Variants in ZRANB1 observed in about 807,000 individuals in gnomAD.
The protein encoded by ZRANB1 is ubiquitin thioesterase ZRANB1.
ZRANB1 carries 16 observed loss-of-function variants against 80.5 expected under a neutral mutation model. That is an observed-to-expected ratio of 0.20 (90% CI 0.13 to 0.30). The LOEUF is 0.30. ZRANB1 is among the 10% of genes least tolerant of loss of function. The probability of loss-of-function intolerance (pLI) is 1.00; values close to 1 mark genes in which losing one functional copy is unlikely to be tolerated. For synonymous variants in ZRANB1, 291 were observed against 293.1 expected (o/e 0.99, Z 0.07); for missense variants, 576 against 862.6 (o/e 0.67, Z 4.16).
At chr10:124,943,555 ATG>A (rs987359153) in intron 1 of ZRANB1, among the ~76,000 whole-genome samples, 26 of 128,800 alleles carry the variant, frequency 2.0e-4, no homozygotes, top group Admixed American at 6.4e-4. Flanking sequence ...GTATATATAT[ATG>A]CGCAAAGTCA....
At chr10:124,922,356 T>C in the ZRANB1 span, among the ~76,000 whole-genome samples, 1 of 146,278 alleles carries the variant, frequency 6.8e-6, no homozygotes, top group African/African-American at 2.5e-5. Context: ...TAATAGGGTC[T>C]CACTGTGTTG....
Position 124,942,550 on chromosome 10 carries a change from A to G in ZRANB1, c.57A>G (p.Pro19=), listed in dbSNP as rs143600614. The G allele has an allele frequency of 4.5e-4, 733 of 1,614,198 alleles. 1 individual carries two copies. Among genetic ancestry groups the G allele is most frequent in the Middle Eastern group, 2.3e-3 (14 of 6,060 alleles). Residue 19 remains proline, a synonymous_variant, in exon 1 of 9, where the codon CCA becomes CCG. Coordinates refer to ENST00000359653, the MANE Select transcript of ZRANB1 (RefSeq NM_017580.3). ...ACEYCTYENW[P]SAIKCTMCRA... is the part of the protein sequence containing the mutation. ...AATATTGTACGTATGAAAACTGGCC[A>G]TCTGCAATCAAGTGTACTATGTGTC...
At position 124,942,788 on chromosome 10, in the gene ZRANB1, C is replaced by T. The variant is rs941348662; in HGVS notation, c.295C>T (p.Pro99Ser). ...CCACATGTGTACATATTTGAACTGGCCAAGAGCAATCAGATGTACCCAGTG... is the reference window on the plus strand; with the variant it reads ...CCACATGTGTACATATTTGAACTGGTCAAGAGCAATCAGATGTACCCAGTG... ...SCHMCTYLNW[P>S]RAIRCTQCLS... The change falls in exon 1 of 9, where the codon CCA becomes TCA. Residue 99 changes from proline to serine, a missense_variant. This residue lies in a region of ZRANB1 where 411 missense variants were observed against 583.1 expected (regional missense o/e 0.70). Transcript: ENST00000359653. 2.5e-6 allele frequency: 4 copies of T among 1,614,032 alleles called. No homozygotes were observed. In the African/African-American group the frequency reaches 4.0e-5, roughly 16 times the overall value.
rs955332588 is a variant in ZRANB1, at chr10:124,986,917, T to G, written c.*1925T>G. 9.8e-5 allele frequency: 15 copies of G among 152,358 alleles called. No individual in the cohort carries two copies. Among genetic ancestry groups the G allele is most frequent in the African/African-American group, 2.9e-4 (12 of 41,426 alleles). 9.4% of individuals were successfully genotyped at this position (152,358 alleles called of 1,614,324 possible). On this transcript the variant is annotated 3_prime_UTR_variant, in exon 9 of 9. Coordinates refer to ENST00000359653, the MANE Select transcript of ZRANB1 (RefSeq NM_017580.3). Reference sequence around the variant, plus strand: ...CAGAGTACACGCTCAGCACTTAGCTTCTACTGTGTGTTGTGGTCTGGTGAG... The same window carrying G: ...CAGAGTACACGCTCAGCACTTAGCTGCTACTGTGTGTTGTGGTCTGGTGAG...
chr10:124,941,017 AAAC>A (rs926281772), upstream of ZRANB1, among the ~76,000 whole-genome samples: 4 of 151,494 alleles, frequency 2.6e-5, no homozygotes, highest in Admixed American at 1.3e-4. Context: ...AACAACAAAA[AAAC>A]AAACAAACAA....
At chr10:124,958,403 A>G (rs1000435770) in intron 1 of ZRANB1, among the ~76,000 whole-genome samples, 1 of 152,196 alleles carries the variant, frequency 6.6e-6, no homozygotes, top group Non-Finnish European at 1.5e-5. Context: ...CGACAGAGCA[A>G]GGCTCCATCT....
chr10:124,966,985 T>C (rs1024957006), intron 2 of ZRANB1, among the ~76,000 whole-genome samples: 16 of 152,254 alleles, frequency 1.1e-4, no homozygotes, highest in Non-Finnish European at 1.5e-5. Flanking sequence ...CAACAATGTT[T>C]GACTCATCAT....
chr10:124,949,419 AT>A (rs1951613334), intron 1 of ZRANB1, among the ~76,000 whole-genome samples: 1 of 143,994 alleles, frequency 6.9e-6, no homozygotes. Flanking sequence ...ATACACATAT[AT>A]ATGTATATAT....
At chr10:124,977,801 GT>G (rs1564967211) in intron 5 of ZRANB1, among the ~76,000 whole-genome samples, 4 of 151,906 alleles carry the variant, frequency 2.6e-5, no homozygotes, top group African/African-American at 9.7e-5. Flanking sequence ...GGCTACTAGG[GT>G]GAGAAGGAAC....
rs1360831610 is a variant in ZRANB1, at chr10:124,981,721, C to T, written c.1440C>T (p.Arg480=). 1.2e-6 allele frequency: 2 copies of T among 1,611,390 alleles called. No individual in the cohort carries two copies. The highest frequency in any genetic ancestry group is 1.7e-5 in the Admixed American group (1 of 59,458). Residue 480 remains arginine, a synonymous_variant, in exon 6 of 9, where the codon CGC becomes CGT. Transcript: ENST00000359653. ...LHDCSHWFYT[R]WKDWESWYSQ... Reference sequence around the variant, plus strand: ...CCTGCTTTTTTAGGTTTTACACACGCTGGAAAGATTGGGAATCATGGTATT... The same window carrying T: ...CCTGCTTTTTTAGGTTTTACACACGTTGGAAAGATTGGGAATCATGGTATT...
At chr10:124,943,382 C>T (rs934142019) in intron 1 of ZRANB1, 75 bp downstream of exon 1, 36 of 1,389,678 alleles carry the variant, frequency 2.6e-5, no homozygotes, top group Non-Finnish European at 3.0e-5. Flanking sequence ...GAGCTGGGTG[C>T]GCTGACACAC....
intron 1 of ZRANB1, among the ~76,000 whole-genome samples, chr10:124,949,444 C>G (rs1265592226): frequency 1.1e-5 from 1 of 89,110 alleles, no homozygotes; most frequent in Admixed American, 9.9e-5. Flanking sequence ...TGTTTACACA[C>G]ATATGTATAT....
At chr10:124,928,488 A>G in the ZRANB1 span, among the ~76,000 whole-genome samples, 9 of 152,308 alleles carry the variant, frequency 5.9e-5, no homozygotes, top group East Asian at 1.7e-3. Context: ...ATATATTAGA[A>G]GTGTTGAAGG....
intron 1 of ZRANB1, among the ~76,000 whole-genome samples, chr10:124,944,343 T>A (rs1951561343): frequency 6.6e-6 from 1 of 152,190 alleles, no homozygotes; most frequent in Non-Finnish European, 1.5e-5. Flanking sequence ...TAGCTGTATG[T>A]TTTCCCTCAG....
intron 2 of ZRANB1, 133 bp downstream of exon 2, chr10:124,966,914 A>G (rs1951781864): frequency 1.2e-6 from 1 of 815,398 alleles, no homozygotes; most frequent in East Asian, 2.7e-5. Flanking sequence ...TTTTAAAAAT[A>G]ACATTAAACT....
In ZRANB1 at chr10:124,985,466, G is replaced by T; in HGVS notation, c.*474G>T. On this transcript the variant is annotated 3_prime_UTR_variant, in exon 9 of 9. Coordinates refer to ENST00000359653, the MANE Select transcript of ZRANB1 (RefSeq NM_017580.3). ...AAAGATCCATCTAAGTCTCAGATCT[G>T]GAAACGTTTTGTACCGATTATCCAC... is the stretch of plus-strand genomic sequence containing the variant. 6.5e-6 allele frequency: 1 copy of T among 153,370 alleles called. No homozygotes were observed. Among genetic ancestry groups the T allele is most frequent in the African/African-American group, 2.4e-5 (1 of 41,564 alleles). The allele number at this position is 153,370 out of a possible 1,614,324, so 9.5% of individuals were successfully genotyped here. A position where few individuals can be genotyped will look rare whatever the true frequency, so the allele number is the denominator to read the frequency against.
Position 124,966,740 on chromosome 10 carries a change from C to T in ZRANB1, c.961C>T (p.Arg321Cys), listed in dbSNP as rs775385125. 3.1e-6 allele frequency: 5 copies of T among 1,613,914 alleles called. No individual in the cohort carries two copies. The highest frequency in any genetic ancestry group is 1.7e-5 in the Admixed American group (1 of 60,000). ...CTATACTCTTGTACACTTGGCTATA[C>T]GTTTTCAGAGGCAGGATATGCTAGC... ...VGYTLVHLAIRFQRQDMLAIL... is the reference protein window; with the variant it reads ...VGYTLVHLAICFQRQDMLAIL... The change falls in exon 2 of 9, where the codon CGT (arginine) becomes TGT (cysteine). Residue 321 changes from arginine to cysteine, a missense_variant. By Grantham distance (180) the Arg-to-Cys change is radical. Transcript: ENST00000359653.
At chr10:124,930,339 C>T in the ZRANB1 span, among the ~76,000 whole-genome samples, 3 of 152,302 alleles carry the variant, frequency 2.0e-5, no homozygotes, top group African/African-American at 4.8e-5. Flanking sequence ...AACCTTGGCT[C>T]ACTGCAGCCT....
chr10:124,954,835 A>C (rs1156772241), intron 1 of ZRANB1, among the ~76,000 whole-genome samples: 7 of 151,592 alleles, frequency 4.6e-5, no homozygotes, highest in Admixed American at 3.9e-4. Flanking sequence ...TTGAACTTTA[A>C]AACCGTCTAA....
Sources: allele counts gnomAD v4.1 joint callset (sites outside exome capture counted in the v4.1 genomes callset), GRCh38; gene constraint gnomAD v4.1.1; regional missense constraint gnomAD v4.1.1; transcripts MANE v1.5; gene names NCBI Gene and HGNC (gene_info 2026-07-23, HGNC 2026-07-21).